LARGE1: variants seen among roughly 807,000 people sequenced by gnomAD.
LARGE1 encodes xylosyl- and glucuronyltransferase LARGE1.
A neutral mutation model predicts 87.6 loss-of-function variants in LARGE1; 43 were observed. The observed-to-expected ratio is 0.49, with a 90% CI of 0.38 to 0.63. The LOEUF is 0.63. Ranked by LOEUF, LARGE1 falls within the 30% of genes least tolerant of loss-of-function variation. The probability of loss-of-function intolerance (pLI) is 0.00; values close to 1 mark genes in which losing one functional copy is unlikely to be tolerated. For missense variants in LARGE1, 802 were observed against 1,000.2 expected (o/e 0.80, Z 2.67); for synonymous variants, 434 against 394.6 (o/e 1.10, Z -1.18).
chr22:33,515,188 G>A (rs564956083), intron 6 of LARGE1, among the ~76,000 whole-genome samples: 1 of 151,824 alleles, frequency 6.6e-6, no homozygotes, highest in African/African-American at 2.4e-5. Flanking sequence ...ATTCCAGACC[G>A]CAAGCTCTTG....
intron 2 of LARGE1, among the ~76,000 whole-genome samples, chr22:33,747,022 C>T (rs1181166807): frequency 1.3e-5 from 2 of 152,006 alleles, no homozygotes; most frequent in African/African-American, 2.4e-5. Context: ...CATTAAGTGC[C>T]CCGGGGTGGA....
chr22:33,816,689 T>C lies in LARGE1; in HGVS notation c.-82-55131A>G, dbSNP rs10427736. Among the ~76,000 whole-genome samples, 736 of 132,476 alleles carry C rather than the reference T, an allele frequency of 5.6e-3. 1 individual carries two copies. The highest frequency in any genetic ancestry group is 6.3e-3 in the African/African-American group (237 of 37,522). 86.9% of individuals were successfully genotyped at this position (132,476 alleles called of 152,430 possible). A position where few individuals can be genotyped will look rare whatever the true frequency, so the allele number is the denominator to read the frequency against. ...ACGGATGGATGGATAGATAGATAGA[T>C]AGACAGACAGACAGACAGACAGACA... On this transcript the variant is annotated intron_variant, in intron 1 of 14. Coordinates refer to ENST00000397394, the MANE Select transcript of LARGE1 (RefSeq NM_133642.5).
At chr22:33,583,055 C>G (rs1367766257) in intron 5 of LARGE1, among the ~76,000 whole-genome samples, 1 of 152,130 alleles carries the variant, frequency 6.6e-6, no homozygotes, top group Non-Finnish European at 1.5e-5. Context: ...TATATTATAC[C>G]CTGTCTAGAT....
At position 33,828,780 on chromosome 22, in the gene LARGE1, G is replaced by T. The variant is rs5999116; in HGVS notation, c.-82-67222C>A. Among the ~76,000 whole-genome samples, 1,379 of 152,216 alleles carry T rather than the reference G, an allele frequency of 9.1e-3. 14 individuals are homozygous for T. Among genetic ancestry groups the T allele is most frequent in the African/African-American group, 0.032 (1,313 of 41,532 alleles). On this transcript the variant is annotated intron_variant, in intron 1 of 14. Transcript: ENST00000397394. ...CGGATGAATGAGAAAACATAATAAT[G>T]CTACAAGAAGAGAAGGAAAAAAGTT... is the stretch of plus-strand genomic sequence containing the variant.
chr22:33,443,083 C>T (rs2067542886), intron 6 of LARGE1, among the ~76,000 whole-genome samples: 1 of 152,186 alleles, frequency 6.6e-6, no homozygotes, highest in African/African-American at 2.4e-5. Context: ...TGAGCCACTG[C>T]ACCCAGCCAT....
intron 1 of LARGE1, among the ~76,000 whole-genome samples, chr22:33,860,093 T>C (rs1329805234): frequency 1.3e-5 from 2 of 152,046 alleles, no homozygotes; most frequent in Non-Finnish European, 2.9e-5. Flanking sequence ...CACCCAAAAA[T>C]AGTTAAGATG....
chr22:33,803,484 A>C (rs1320041569), intron 1 of LARGE1, among the ~76,000 whole-genome samples: 2 of 152,192 alleles, frequency 1.3e-5, no homozygotes, highest in Non-Finnish European at 2.9e-5. Context: ...CAACACCAAC[A>C]ACCAAAAATG....
At chr22:33,524,209 T>C (rs140392270) in intron 6 of LARGE1, among the ~76,000 whole-genome samples, 3,977 of 151,158 alleles carry the variant, frequency 0.026, 71 homozygotes, top group South Asian at 0.077. Context: ...GAGAACTGCT[T>C]GAACCCAGGA....
At chr22:33,369,436 G>C (rs1195806491) in intron 9 of LARGE1, among the ~76,000 whole-genome samples, 1 of 150,684 alleles carries the variant, frequency 6.6e-6, no homozygotes, top group East Asian at 1.9e-4. Flanking sequence ...AACTCCCCAA[G>C]CTTCTTTTTT....
intron 6 of LARGE1, among the ~76,000 whole-genome samples, chr22:33,452,700 G>A (rs945878466): frequency 1.3e-5 from 2 of 152,152 alleles, no homozygotes; most frequent in Admixed American, 6.6e-5. Flanking sequence ...TGGCAGGAGC[G>A]CCCATCTGGG....
In LARGE1 at chr22:33,546,706, C is replaced by T. The variant is rs529852419; in HGVS notation, c.787+18142G>A. Among the ~76,000 whole-genome samples, 120 of 152,302 alleles carry T rather than the reference C, an allele frequency of 7.9e-4. 1 individual carries two copies. The highest frequency in any genetic ancestry group is 2.8e-3 in the African/African-American group (115 of 41,554). ...TTCAAGAAATTCTCAGCCTCAGCCT[C>T]CCAAGTAGCTGGGACTACAGGTGCA... On this transcript the variant is annotated intron_variant, in intron 6 of 14. Transcript: ENST00000397394.
At chr22:33,103,316 C>G in the LARGE1 span, among the ~76,000 whole-genome samples, 1 of 151,268 alleles carries the variant, frequency 6.6e-6, no homozygotes, top group Non-Finnish European at 1.5e-5. Context: ...GCCTGTAGTC[C>G]CAGCTACTCG....
chr22:33,546,499 T>C (rs936514702), intron 6 of LARGE1, among the ~76,000 whole-genome samples: 4 of 152,224 alleles, frequency 2.6e-5, no homozygotes, highest in Non-Finnish European at 1.5e-5. Context: ...TCTCTCACCA[T>C]AGTCCTTTAT....
intron 2 of LARGE1, among the ~76,000 whole-genome samples, chr22:33,712,816 C>T (rs2082776579): frequency 1.3e-5 from 2 of 152,058 alleles, no homozygotes; most frequent in Admixed American, 1.3e-4. Context: ...ACAGCCTCAA[C>T]CAGAGTGAAA....
rs544338793 is a variant in LARGE1 at position 33,461,581 on chromosome 22, AACATGGTACATG to A, written c.788-29328_788-29317del. Among the ~76,000 whole-genome samples the A allele has an allele frequency of 2.0e-5, 3 of 152,030 alleles. No individual in the cohort carries two copies. The East Asian group carries it at 5.8e-4, about 29-fold the overall frequency. On this transcript the variant is annotated intron_variant, in intron 6 of 14. Transcript: ENST00000397394. Reference sequence around the variant, plus strand: ...GACGAGTTAATGGGTGCAGCACACCAACATGGTACATGTATACACATGTAACAAACCTGCATG... The same window carrying A: ...GACGAGTTAATGGGTGCAGCACACCATATACACATGTAACAAACCTGCATG...
chr22:33,103,406 C>G, the LARGE1 span, among the ~76,000 whole-genome samples: 1 of 116,984 alleles, frequency 8.5e-6, no homozygotes, highest in Non-Finnish European at 1.6e-5. Context: ...GCACTCCAGC[C>G]TGGGCAACAG....
intron 6 of LARGE1, among the ~76,000 whole-genome samples, chr22:33,514,498 A>C (rs1282711066): frequency 6.6e-6 from 1 of 152,196 alleles, no homozygotes; most frequent in Non-Finnish European, 1.5e-5. Flanking sequence ...AGTAACACAA[A>C]ATTTAAAAAT....
At chr22:33,313,880 A>G (rs1320432097) in intron 11 of LARGE1, among the ~76,000 whole-genome samples, 1 of 152,200 alleles carries the variant, frequency 6.6e-6, no homozygotes, top group Non-Finnish European at 1.5e-5. Flanking sequence ...AGTGGCCACA[A>G]GGTAACAAAG....
At chr22:33,514,511 A>G (rs1038010768) in intron 6 of LARGE1, among the ~76,000 whole-genome samples, 1 of 152,218 alleles carries the variant, frequency 6.6e-6, no homozygotes, top group Non-Finnish European at 1.5e-5. Context: ...TTAAAAATTC[A>G]TACAGTATAA....
Sources: allele counts gnomAD v4.1 joint callset (sites outside exome capture counted in the v4.1 genomes callset), GRCh38; gene constraint gnomAD v4.1.1; transcripts MANE v1.5; gene names NCBI Gene and HGNC (gene_info 2026-07-23, HGNC 2026-07-21).